Variants in PCSK2 observed in about 807,000 individuals in gnomAD.
The protein encoded by PCSK2 is proprotein convertase subtilisin/kexin type 2.
A neutral mutation model predicts 69.7 loss-of-function variants in PCSK2; 14 were observed. That is an observed-to-expected ratio of 0.20 (90% CI 0.13 to 0.31). The LOEUF is 0.31. Ranked by LOEUF, PCSK2 falls within the 10% of genes least tolerant of loss-of-function variation. The pLI is 1.00. For synonymous variants in PCSK2, 307 were observed against 320.7 expected, an observed-to-expected ratio of 0.96 and a Z score of 0.46; for missense variants, 544 against 842.5, an observed-to-expected ratio of 0.65 and a Z score of 4.39.
At chr20:17,227,533 G>T in intron 1 of PCSK2, 51 bp downstream of exon 1, 1 of 1,435,642 alleles carries the variant, frequency 7.0e-7, no homozygotes. Flanking sequence ...GGGGACGGGG[G>T]GGCAGCCCTG....
chr20:17,274,292 C>T (rs562805510), intron 2 of PCSK2, among the ~76,000 whole-genome samples: 21 of 152,234 alleles, frequency 1.4e-4, no homozygotes, highest in African/African-American at 5.1e-4. Context: ...CCCCGGGATG[C>T]TTCTGTTGTC....
intron 5 of PCSK2, among the ~76,000 whole-genome samples, chr20:17,388,495 C>G (rs1035627705): frequency 1.3e-5 from 2 of 152,114 alleles, no homozygotes; most frequent in Non-Finnish European, 2.9e-5. Flanking sequence ...TAGTCTTTCT[C>G]TCTTCCTCTT....
At chr20:17,277,294 C>T (rs1239104508) in intron 2 of PCSK2, among the ~76,000 whole-genome samples, 1 of 152,180 alleles carries the variant, frequency 6.6e-6, no homozygotes, top group Non-Finnish European at 1.5e-5. Flanking sequence ...AAGCTGGAGG[C>T]ATCACGCTAC....
intron 7 of PCSK2, 49 bp downstream of exon 7, chr20:17,429,572 C>A (rs1465272047): frequency 1.6e-6 from 2 of 1,227,196 alleles, no homozygotes; most frequent in Non-Finnish European, 2.3e-6. Context: ...TCACACTGAT[C>A]TCAAGGCTGA....
chr20:17,330,727 A>G (rs1448142996), intron 2 of PCSK2, among the ~76,000 whole-genome samples: 1 of 152,212 alleles, frequency 6.6e-6, no homozygotes, highest in African/African-American at 2.4e-5. Context: ...CAGCCAATGT[A>G]ACAGGAAGTC....
intron 5 of PCSK2, among the ~76,000 whole-genome samples, chr20:17,390,688 CTTT>C (rs1209178296): frequency 1.3e-5 from 2 of 152,202 alleles, no homozygotes; most frequent in African/African-American, 4.8e-5. Flanking sequence ...ATGCATCACT[CTTT>C]TTTCCTTATT....
At chr20:17,476,072 G>A (rs2033284015) in intron 11 of PCSK2, among the ~76,000 whole-genome samples, 1 of 152,206 alleles carries the variant, frequency 6.6e-6, no homozygotes. Flanking sequence ...TAGAAACCCT[G>A]TGATAGAATG....
At chr20:17,395,619 CTGCTGTGGGGCTCACACAAAAT>C (rs1415276459) in intron 5 of PCSK2, among the ~76,000 whole-genome samples, 1 of 152,158 alleles carries the variant, frequency 6.6e-6, no homozygotes, top group Non-Finnish European at 1.5e-5. Context: ...ATTCTCAAAA[CTGCTGTGGGGCTCACACAAAAT>C]TAATTTGTGC....
At chr20:17,411,206 T>A (rs1052444877) in intron 6 of PCSK2, among the ~76,000 whole-genome samples, 1 of 152,188 alleles carries the variant, frequency 6.6e-6, no homozygotes, top group African/African-American at 2.4e-5. Flanking sequence ...CCAACTGAGG[T>A]ATCTGGTTCA....
At chr20:17,312,005 T>C (rs555576963) in intron 2 of PCSK2, among the ~76,000 whole-genome samples, 1 of 152,304 alleles carries the variant, frequency 6.6e-6, no homozygotes, top group African/African-American at 2.4e-5. Flanking sequence ...TAGAAGATAT[T>C]CCATTCAGAT....
At chr20:17,480,179 C>CTTTTCTTTTTTTTTTTTT (rs2033370399) in intron 11 of PCSK2, among the ~76,000 whole-genome samples, 1 of 124,170 alleles carries the variant, frequency 8.1e-6, no homozygotes, top group Non-Finnish European at 1.7e-5. Flanking sequence ...CCATTTTCAG[C>CTTTTCTTTTTTTTTTTTT]TTTTCTTTTT....
rs527911754 is a variant in PCSK2, at chr20:17,425,873, G to A, written c.621-3562G>A. 2.4e-4 allele frequency among the ~76,000 whole-genome samples: 37 copies of A among 152,220 alleles called. No individual in the cohort carries two copies. The South Asian group carries it at 6.6e-3, about 27-fold the overall frequency. On this transcript the variant is annotated intron_variant, in intron 6 of 11. Coordinates refer to ENST00000262545, the MANE Select transcript of PCSK2 (RefSeq NM_002594.5). ...TTTTTATGGGCCAGGTTAACAAATA[G>A]CATTTACCCATCTGCTCACATATTT...
At chr20:17,366,330 C>T (rs1419520491) in intron 4 of PCSK2, among the ~76,000 whole-genome samples, 1 of 152,136 alleles carries the variant, frequency 6.6e-6, no homozygotes, top group Non-Finnish European at 1.5e-5. Context: ...GATTTATGAA[C>T]CAAATTATAA....
At chr20:17,348,108 G>GAA (rs2029877388) in intron 2 of PCSK2, among the ~76,000 whole-genome samples, 1 of 146,784 alleles carries the variant, frequency 6.8e-6, no homozygotes, top group Non-Finnish European at 1.5e-5. Context: ...AGAAAGAAAA[G>GAA]AAAAGAAAGA....
chr20:17,299,034 A>G (rs1458320186), intron 2 of PCSK2, among the ~76,000 whole-genome samples: 1 of 152,200 alleles, frequency 6.6e-6, no homozygotes, highest in Non-Finnish European at 1.5e-5. Flanking sequence ...GATATCACTG[A>G]TACTTAATAT....
chr20:17,254,486 T>C (rs1015366387), intron 1 of PCSK2, among the ~76,000 whole-genome samples: 1 of 152,202 alleles, frequency 6.6e-6, no homozygotes. Context: ...CTAGCATCCA[T>C]GTTGAAAATC....
intron 2 of PCSK2, among the ~76,000 whole-genome samples, chr20:17,260,876 A>C (rs1159742467): frequency 6.6e-6 from 1 of 152,070 alleles, no homozygotes; most frequent in African/African-American, 2.4e-5. Context: ...TATATTTTCT[A>C]GCACTGATCT....
At chr20:17,282,321 T>C (rs139182358) in intron 2 of PCSK2, among the ~76,000 whole-genome samples, 157 of 152,234 alleles carry the variant, frequency 1.0e-3, no homozygotes, top group Non-Finnish European at 3.1e-4. Flanking sequence ...CATATGTATG[T>C]TAATATCAAA....
intron 2 of PCSK2, among the ~76,000 whole-genome samples, chr20:17,294,098 CTTTTTTTT>C (rs34805695): frequency 1.4e-5 from 1 of 73,978 alleles, no homozygotes; most frequent in African/African-American, 5.3e-5. Context: ...AAAGTATTTT[CTTTTTTTT>C]TTTTTTTTTT....
Sources: gnomAD v4.1 joint callset for allele counts (sites outside exome capture counted in the v4.1 genomes callset) on GRCh38, gnomAD v4.1.1 for gene constraint, MANE v1.5 for transcripts, NCBI Gene and HGNC (gene_info 2026-07-23, HGNC 2026-07-21) for gene names.